The following PITPNM3 variants were observed in gnomAD, a reference collection of about 807,000 sequenced individuals.
The protein encoded by PITPNM3 is membrane-associated phosphatidylinositol transfer protein 3.
Under a neutral mutation model 102.0 loss-of-function variants are expected in PITPNM3, and 26 were observed. That is an observed-to-expected ratio of 0.25 (90% confidence interval 0.19 to 0.35). The LOEUF is 0.35. PITPNM3 is among the 10% of genes least tolerant of loss of function. PITPNM3 has a pLI of 1.00. For synonymous variants in PITPNM3, 578 were observed against 558.6 expected (o/e 1.03, Z -0.49); for missense variants, 1,083 against 1,346.1 (o/e 0.80, Z 3.06).
intron 5 of PITPNM3, 86 bp from the exon 6 acceptor site, chr17:6,483,838 T>TAC: frequency 1.8e-6 from 2 of 1,137,378 alleles, no homozygotes; most frequent in Non-Finnish European, 1.3e-6. Context: ...CATGTGCGCA[T>TAC]ACACACACAC....
At chr17:6,495,737 G>C (rs1487591990) in intron 4 of PITPNM3, among the ~76,000 whole-genome samples, 2 of 152,222 alleles carry the variant, frequency 1.3e-5, no homozygotes, top group African/African-American at 4.8e-5. Flanking sequence ...GCAGGAGAGG[G>C]AGGAAAGAGA....
Position 6,453,001 on chromosome 17 carries a change from T to TCTCTCTCTCTCTCTGTC in PITPNM3, c.*2336_*2337insGACAGAGAGAGAGAGAG, listed in dbSNP as rs1567654984. The TCTCTCTCTCTCTCTGTC allele has an allele frequency of 4.2e-5, 2 of 47,240 alleles. No homozygotes were observed. The highest frequency in any genetic ancestry group is 9.8e-5 in the Non-Finnish European group (2 of 20,398). The allele number at this position is 47,240 out of a possible 1,614,324, so 2.9% of individuals were successfully genotyped here. On this transcript the variant is annotated 3_prime_UTR_variant, in exon 20 of 20. Transcript: ENST00000262483. Reference sequence around the variant, plus strand: ...TCCTCTCTCTCTCTCTCTGTCTTCCTTTCTCTCTCTCTCTCTCTCTCTGCC... The same window carrying TCTCTCTCTCTCTCTGTC: ...TCCTCTCTCTCTCTCTCTGTCTTCCTCTCTCTCTCTCTCTGTCTTCTCTCTCTCTCTCTCTCTCTGCC...
rs771598616 is a variant in PITPNM3 at position 6,477,994 on chromosome 17, C to G, written c.881G>C (p.Gly294Ala). The change falls in exon 8 of 20, where the codon GGG (glycine) becomes GCG (alanine). Residue 294 changes from glycine to alanine, a missense_variant. By Grantham distance (60) the Gly-to-Ala change is moderately conservative. Transcript: ENST00000262483. ...GDSPASSSRK[G>A]SISSTQDTPV... ...CTGTACCTGGGTGCTGCTGATGCTC[C>G]CCTTCCGGCTGCTGCTGGCAGGGCT... is the stretch of plus-strand genomic sequence containing the variant. 1.2e-6 allele frequency: 2 copies of G among 1,613,248 alleles called. No homozygotes were observed. The highest frequency in any genetic ancestry group is 1.7e-6 in the Non-Finnish European group (2 of 1,180,044).
chr17:6,508,790 G>C (rs1907695767), intron 3 of PITPNM3, among the ~76,000 whole-genome samples: 1 of 152,212 alleles, frequency 6.6e-6, no homozygotes, highest in South Asian at 2.1e-4. Flanking sequence ...GATGAGGTAA[G>C]TGTGGCGCCC....
chr17:6,491,724 G>T (rs1271203088), intron 4 of PITPNM3, among the ~76,000 whole-genome samples: 3 of 151,632 alleles, frequency 2.0e-5, no homozygotes, highest in Admixed American at 2.0e-4. Context: ...AAATAATGGT[G>T]GGGGAGGTGG....
rs773713375 is a variant in PITPNM3 at position 6,451,876 on chromosome 17, C to T, written c.*3462G>A. ...TTCCAGGGCACTTGGCACCCAAACCCCCCCCCCCCGCCCGCCGATGGGATT... is the reference window on the plus strand; with the variant it reads ...TTCCAGGGCACTTGGCACCCAAACCTCCCCCCCCCGCCCGCCGATGGGATT... On this transcript the variant is annotated 3_prime_UTR_variant, in exon 20 of 20. Coordinates refer to ENST00000262483, the MANE Select transcript of PITPNM3 (RefSeq NM_031220.4). 6.0e-5 allele frequency: 2 copies of T among 33,548 alleles called. No individual in the cohort carries two copies. Among genetic ancestry groups the T allele is most frequent in the Non-Finnish European group, 1.2e-4 (2 of 16,292 alleles). The allele number at this position is 33,548 out of a possible 1,614,324, so 2.1% of individuals were successfully genotyped here.
Position 6,457,458 on chromosome 17 carries a change from A to C in PITPNM3, c.2619+136T>G. On this transcript the variant is annotated intron_variant, in intron 19 of 19. Transcript: ENST00000262483. The surrounding 1 kb of genome is among the most constrained non-coding windows in gnomAD (Gnocchi z 4.7). ...CCCTGGCCCAAGGCAGGCACCCCGA[A>C]GTGTTTGTTGAATAAATGAATGAGC... 2.1e-6 allele frequency: 3 copies of C among 1,421,600 alleles called. No homozygotes were observed. Among genetic ancestry groups the C allele is most frequent in the Non-Finnish European group, 2.9e-6 (3 of 1,046,948 alleles). The allele number at this position is 1,421,600 out of a possible 1,614,324, so 88.1% of individuals were successfully genotyped here.
chr17:6,519,197 C>T (rs565594291), intron 3 of PITPNM3, among the ~76,000 whole-genome samples: 1,918 of 30,456 alleles, frequency 0.063, 728 homozygotes, highest in Non-Finnish European at 0.087. Flanking sequence ...ATTAGCCGGG[C>T]GCGGTGGCGG....
At chr17:6,525,657 T>C in intron 2 of PITPNM3, among the ~76,000 whole-genome samples, 194 bp from the exon 3 acceptor site, 1 of 152,210 alleles carries the variant, frequency 6.6e-6, no homozygotes, top group East Asian at 1.9e-4. Context: ...GAAGGTACTG[T>C]TGTACCCTAC....
At chr17:6,526,511 C>T (rs193138498) in intron 2 of PITPNM3, among the ~76,000 whole-genome samples, 3 of 152,194 alleles carry the variant, frequency 2.0e-5, no homozygotes, top group Non-Finnish European at 4.4e-5. Flanking sequence ...AAGAACTTTA[C>T]CTAGCAGAAG....
Position 6,517,666 on chromosome 17 carries a change from C to T in PITPNM3, c.226+7690G>A, listed in dbSNP as rs1165825419. 1.3e-5 allele frequency among the ~76,000 whole-genome samples: 2 copies of T among 152,030 alleles called. No homozygotes were observed. Among genetic ancestry groups the T allele is most frequent in the South Asian group, 2.1e-4 (1 of 4,824 alleles). On this transcript the variant is annotated intron_variant, in intron 3 of 19. Coordinates refer to ENST00000262483, the MANE Select transcript of PITPNM3 (RefSeq NM_031220.4). This position sits in a 1 kb window ranked among gnomAD's most constrained non-coding sequence, Gnocchi z 4.1. ...CCTTAACCTCCTGGGTTCAAGCAAC[C>T]CTCTCACCTCAGCCTCCAGAATAAC...
In PITPNM3 at chr17:6,457,950, C is replaced by G. The variant is rs1426607109; in HGVS notation, c.2491-228G>C. Among the ~76,000 whole-genome samples, 1 of 152,114 alleles carries G rather than the reference C, an allele frequency of 6.6e-6. No homozygotes were observed. The highest frequency in any genetic ancestry group is 1.5e-5 in the Non-Finnish European group (1 of 68,018). ...GCCCAGTAAACAGTCGTGACCACAC[C>G]ATTTACCGGCCCCGCCTCCAACAGC... On this transcript the variant is annotated intron_variant, in intron 18 of 19. Transcript: ENST00000262483. The surrounding 1 kb of genome is among the most constrained non-coding windows in gnomAD (Gnocchi z 4.7).
At position 6,453,498 on chromosome 17, in the gene PITPNM3, G is replaced by A. The variant is rs4796330; in HGVS notation, c.*1840C>T. ...CTGAGGCTGAGGCTGAGCCTGATCCGCACTCCTCCCCATAGACTCGCCAGC... is the reference window on the plus strand; with the variant it reads ...CTGAGGCTGAGGCTGAGCCTGATCCACACTCCTCCCCATAGACTCGCCAGC... On this transcript the variant is annotated 3_prime_UTR_variant, in exon 20 of 20. Transcript: ENST00000262483. The A allele has an allele frequency of 0.42, 63,790 of 152,348 alleles. 14,415 individuals are homozygous for A. Among genetic ancestry groups the A allele is most frequent in the Middle Eastern group, 0.66 (204 of 308 alleles). 9.4% of individuals were successfully genotyped at this position (152,348 alleles called of 1,614,324 possible). A position where few individuals can be genotyped will look rare whatever the true frequency, so the allele number is the denominator to read the frequency against.
intron 3 of PITPNM3, among the ~76,000 whole-genome samples, chr17:6,510,295 C>T (rs1050430885): frequency 2.6e-5 from 4 of 152,128 alleles, no homozygotes; most frequent in Non-Finnish European, 4.4e-5. Context: ...CATAGATTGT[C>T]CAACCTCAGT....
intron 19 of PITPNM3, among the ~76,000 whole-genome samples, chr17:6,456,913 C>G (rs1455468821): frequency 6.6e-6 from 1 of 152,150 alleles, no homozygotes; most frequent in African/African-American, 2.4e-5. Context: ...CTCAGACCCT[C>G]CACTTTCTCT....
intron 1 of PITPNM3, among the ~76,000 whole-genome samples, chr17:6,544,654 T>TCTCTCTCTCACACACA (rs376230474): frequency 6.9e-5 from 9 of 130,274 alleles, no homozygotes; most frequent in African/African-American, 2.8e-4. Flanking sequence ...TCTCTCTCTC[T>TCTCTCTCTCACACACA]CACACACACA....
At chr17:6,461,130 T>C (rs1460599297) in intron 18 of PITPNM3, among the ~76,000 whole-genome samples, 1 of 152,146 alleles carries the variant, frequency 6.6e-6, no homozygotes, top group African/African-American at 2.4e-5. Context: ...AGTCAGGAGA[T>C]AAAGGACGAA....
Position 6,478,606 on chromosome 17 carries a change from C to T in PITPNM3, c.718G>A (p.Ala240Thr), listed in dbSNP as rs565106167. 4.2e-4 allele frequency: 673 copies of T among 1,614,090 alleles called. 9 individuals are homozygous for T. The South Asian group carries it at 7.1e-3, about 17-fold the overall frequency. The change falls in exon 7 of 20, where the codon GCC becomes ACC. Residue 240 changes from alanine to threonine, a missense_variant. By Grantham distance (58) the Ala-to-Thr change is moderately conservative. Around this residue, in one of 5 missense-constraint regions of PITPNM3, gnomAD observed 290 missense variants for 337.8 expected, o/e 0.86. Transcript: ENST00000262483. The surrounding 1 kb of genome is among the most constrained non-coding windows in gnomAD (Gnocchi z 4.4). ...QDAVATVIER[A>T]NQVYREFLKS... is the part of the protein sequence containing the mutation. ...AGGAACTCTCTGTAGACCTGGTTGG[C>T]TCGCTCGATGACGGTGGCGACAGCA...
rs113292877 is a variant in PITPNM3 at position 6,463,678 on chromosome 17, C to T, written c.2306+54G>A. 5,469 of 1,591,238 alleles carry T rather than the reference C, an allele frequency of 3.4e-3. 202 individuals carry two copies. In the African/African-American group the frequency reaches 0.066, roughly 19 times the overall value. ...GAAAAACAACATATTTCCCCCAGGG[C>T]TGCTGGCTCCTGCCCCCCAGGGAGA... On this transcript the variant is annotated intron_variant, in intron 17 of 19. Coordinates refer to ENST00000262483, the MANE Select transcript of PITPNM3 (RefSeq NM_031220.4).
Sources: allele counts gnomAD v4.1 joint callset (sites outside exome capture counted in the v4.1 genomes callset), GRCh38; gene constraint gnomAD v4.1.1; regional missense constraint gnomAD v4.1.1; non-coding constraint Gnocchi (gnomAD v3.1); transcripts MANE v1.5; gene names NCBI Gene and HGNC (gene_info 2026-07-23, HGNC 2026-07-21).